Variants in TRIM16 observed in about 807,000 individuals in gnomAD.
The protein encoded by TRIM16 is tripartite motif-containing protein 16.
TRIM16 carries 33 observed loss-of-function variants against 50.4 expected under a neutral mutation model. The observed-to-expected ratio is 0.65, with a 90% CI of 0.50 to 0.88. The LOEUF (loss-of-function observed/expected upper bound fraction) is 0.88, where lower values mean the gene tolerates loss of function less well. Ranked by LOEUF, TRIM16 falls within the 40% of genes least tolerant of loss-of-function variation. TRIM16 has a pLI of 0.00. For missense variants in TRIM16, 581 were observed against 686.8 expected, an observed-to-expected ratio of 0.85 and a Z score of 1.72; for synonymous variants, 229 against 270.7, an observed-to-expected ratio of 0.85 and a Z score of 1.51.
At chr17:15,681,063 T>C in intron 3 of TRIM16, 110 bp from the exon 4 acceptor site, 2 of 1,039,548 alleles carry the variant, frequency 1.9e-6, no homozygotes, top group South Asian at 1.8e-5. Context: ...TGGCTGTCCA[T>C]AGCTTGAAGG....
At chr17:15,635,382 C>G (rs1276868740) in intron 9 of TRIM16, among the ~76,000 whole-genome samples, 2 of 148,822 alleles carry the variant, frequency 1.3e-5, no homozygotes, top group Admixed American at 6.7e-5. Context: ...CAATGGCTTA[C>G]GGTTTGATGT....
chr17:15,665,916 T>C (rs1988477897), intron 6 of TRIM16, among the ~76,000 whole-genome samples: 1 of 151,896 alleles, frequency 6.6e-6, no homozygotes, highest in South Asian at 2.1e-4. Flanking sequence ...CCTCCCTAGA[T>C]CCCAACACAA....
At chr17:15,669,739 G>A (rs575429992) in intron 6 of TRIM16, among the ~76,000 whole-genome samples, 83 of 152,356 alleles carry the variant, frequency 5.4e-4, no homozygotes, top group Non-Finnish European at 1.0e-3. Flanking sequence ...CCACCACCTC[G>A]TGGGGATATA....
intron 9 of TRIM16, among the ~76,000 whole-genome samples, chr17:15,635,517 C>G (rs1986691814): frequency 7.0e-6 from 1 of 141,930 alleles, no homozygotes; most frequent in Admixed American, 6.9e-5. Flanking sequence ...AGCCACAGCC[C>G]TCTCTGAAAA....
At chr17:15,655,021 C>CA (rs908152207) in intron 6 of TRIM16, among the ~76,000 whole-genome samples, 25 of 152,062 alleles carry the variant, frequency 1.6e-4, no homozygotes, top group African/African-American at 5.5e-4. Flanking sequence ...TGTAGCTTGT[C>CA]AGAGACCACA....
Position 15,642,739 on chromosome 17 carries a change from A to C in TRIM16, c.597T>G (p.Ala199=). The C allele has an allele frequency of 1.2e-6, 1 of 829,602 alleles. No homozygotes were observed. Among genetic ancestry groups the C allele is most frequent in the Non-Finnish European group, 1.8e-6 (1 of 551,724 alleles). 51.4% of individuals were successfully genotyped at this position (829,602 alleles called of 1,614,324 possible). ...LNENAISRLQ[A]NQKSVLVSVS... ...GTCTTACCAGAACAGACTTTTGGTT[A>C]GCCTGGAGCCTGGAGATGGCATTTT... The change falls in exon 8 of 12, where the codon GCT becomes GCG. Residue 199 remains alanine (A), a synonymous_variant. Coordinates refer to ENST00000649191, the MANE Select transcript of TRIM16 (RefSeq NM_001348119.1).
chr17:15,659,004 G>A (rs774650416), intron 6 of TRIM16: 4 of 406,638 alleles, frequency 9.8e-6, no homozygotes, highest in South Asian at 1.0e-4. Context: ...CTCAGAACAC[G>A]ATTGTTGTAA....
At chr17:15,632,811 A>C in intron 9 of TRIM16, 137 bp from the exon 10 acceptor site, 1 of 1,212,416 alleles carries the variant, frequency 8.2e-7, no homozygotes, top group Non-Finnish European at 1.1e-6. Flanking sequence ...GTACATGTGA[A>C]GTGTCAAGCT....
rs533436729 is a variant in TRIM16 at position 15,668,273 on chromosome 17, T to C, written c.-338+8903A>G. Among the ~76,000 whole-genome samples the C allele has an allele frequency of 2.0e-5, 3 of 152,324 alleles. No homozygotes were observed. The South Asian group carries it at 6.2e-4, about 32-fold the overall frequency. ...TGAGTTTCCCTCTGTCTGGGATCAG[T>C]AGTTCTGTGCTACCTATTGTTCACT... On this transcript the variant is annotated intron_variant, in intron 6 of 11. Coordinates refer to ENST00000649191, the MANE Select transcript of TRIM16 (RefSeq NM_001348119.1).
intron 7 of TRIM16, among the ~76,000 whole-genome samples, chr17:15,647,129 G>A (rs866075537): frequency 2.5e-4 from 38 of 151,826 alleles, no homozygotes; most frequent in Non-Finnish European, 4.3e-4. Context: ...ACTGTGCCAG[G>A]CTAATTTTTG....
chr17:15,647,289 A>T (rs1987438631), intron 7 of TRIM16, among the ~76,000 whole-genome samples: 1 of 152,122 alleles, frequency 6.6e-6, no homozygotes. Context: ...TTCCTTTCCC[A>T]AGTGGCCACA....
intron 7 of TRIM16, among the ~76,000 whole-genome samples, chr17:15,645,373 G>A: frequency 6.6e-6 from 1 of 152,074 alleles, no homozygotes; most frequent in Admixed American, 6.5e-5. Context: ...CGAAGGCAGA[G>A]CCAGCCCTCC....
intron 8 of TRIM16, among the ~76,000 whole-genome samples, chr17:15,638,214 C>T (rs377177561): frequency 7.7e-6 from 1 of 129,294 alleles, no homozygotes; most frequent in Non-Finnish European, 1.6e-5. Context: ...GCCAAATCCC[C>T]CTCTGTGAGA....
intron 6 of TRIM16, among the ~76,000 whole-genome samples, chr17:15,672,059 G>T (rs1313961070): frequency 2.6e-5 from 4 of 151,892 alleles, no homozygotes; most frequent in Non-Finnish European, 5.9e-5. Flanking sequence ...ATCAAGCCTG[G>T]GGTCACCCTA....
intron 6 of TRIM16, among the ~76,000 whole-genome samples, chr17:15,671,214 T>C (rs183085356): frequency 2.0e-5 from 3 of 152,166 alleles, no homozygotes; most frequent in East Asian, 3.9e-4. Context: ...GTAGTCAGCA[T>C]GTAAGATGAA....
chr17:15,667,791 C>T (rs1988562327), intron 6 of TRIM16, among the ~76,000 whole-genome samples: 1 of 152,160 alleles, frequency 6.6e-6, no homozygotes, highest in South Asian at 2.1e-4. Context: ...AACACCTCTA[C>T]TGTTAACATC....
chr17:15,628,602 T>C lies in TRIM16; in HGVS notation c.*13A>G, dbSNP rs745954583. ...CTGTAGCTGGCAAAGGTCTGGGATATGGCTCCTGGAGTCTAGGGAGCAGTC... is the reference window on the plus strand; with the variant it reads ...CTGTAGCTGGCAAAGGTCTGGGATACGGCTCCTGGAGTCTAGGGAGCAGTC... On this transcript the variant is annotated 3_prime_UTR_variant, in exon 12 of 12. Coordinates refer to ENST00000649191, the MANE Select transcript of TRIM16 (RefSeq NM_001348119.1). 4 of 1,577,586 alleles carry C rather than the reference T, an allele frequency of 2.5e-6. No homozygotes were observed. The highest frequency in any genetic ancestry group is 2.3e-5 in the East Asian group (1 of 44,360).
intron 6 of TRIM16, among the ~76,000 whole-genome samples, chr17:15,676,424 AT>A (rs1180858155): frequency 2.4e-5 from 3 of 123,438 alleles, no homozygotes; most frequent in East Asian, 2.5e-4. Flanking sequence ...AAACCTGAGA[AT>A]TTTTTCTTTT....
chr17:15,661,016 A>C (rs1988212194), intron 6 of TRIM16, among the ~76,000 whole-genome samples: 1 of 152,156 alleles, frequency 6.6e-6, no homozygotes, highest in Non-Finnish European at 1.5e-5. Context: ...TATTAATCAG[A>C]AGACCTGGTA....
Sources: gnomAD v4.1 joint callset for allele counts (sites outside exome capture counted in the v4.1 genomes callset) on GRCh38, gnomAD v4.1.1 for gene constraint, MANE v1.5 for transcripts, NCBI Gene and HGNC (gene_info 2026-07-23, HGNC 2026-07-21) for gene names.